Variants in C4orf54 observed in about 807,000 individuals in gnomAD.
C4orf54 encodes uncharacterized protein C4orf54.
C4orf54 carries 67 observed loss-of-function variants against 80.1 expected under a neutral mutation model. That is an observed-to-expected ratio of 0.84 (90% CI 0.69 to 1.03). The LOEUF is 1.03. C4orf54 is among the 50% of genes least tolerant of loss of function. C4orf54 has a pLI of 0.00. For synonymous variants in C4orf54, 1,000 were observed against 917.0 expected, an observed-to-expected ratio of 1.09 and a Z score of -1.64; for missense variants, 2,434 against 2,253.5, an observed-to-expected ratio of 1.08 and a Z score of -1.62.
chr4:99,650,261 C>T lies in C4orf54; in HGVS notation c.4388G>A (p.Ser1463Asn), dbSNP rs1726783296. 2 of 1,536,116 alleles carry T rather than the reference C, an allele frequency of 1.3e-6. No individual in the cohort carries two copies. The highest frequency in any genetic ancestry group is 1.7e-6 in the Non-Finnish European group (2 of 1,146,896). The change falls in exon 2 of 3, where the codon AGC (serine) becomes AAC (asparagine). Residue 1463 changes from serine to asparagine, a missense_variant. Physicochemically the swap from Ser to Asn is conservative, Grantham distance 46. Transcript: ENST00000511828. The stretch of plus-strand genomic sequence containing the variant: ...CAGGTAATTCTCACAGTCACTGTTG[C>T]TCTTCTCCAAATTGCTGCCACTTTT... The part of the protein sequence containing the change: ...NRKSGSNLEK[S>N]NSDCENYLTI...
At chr4:99,654,872 G>A (rs1158843606) in intron 1 of C4orf54, among the ~76,000 whole-genome samples, 193 bp from the exon 2 acceptor site, 2 of 152,172 alleles carry the variant, frequency 1.3e-5, no homozygotes, top group African/African-American at 4.8e-5. Flanking sequence ...TTATAGCGAT[G>A]TCTAGCAAGT....
At chr4:99,644,392 C>T (rs1726662673) in intron 2 of C4orf54, among the ~76,000 whole-genome samples, 1 of 151,548 alleles carries the variant, frequency 6.6e-6, no homozygotes, top group African/African-American at 2.4e-5. Context: ...AGCCACAATG[C>T]AATTAAAGGG....
chr4:99,641,001 A>C lies in C4orf54; in HGVS notation c.*232T>G. The C allele has an allele frequency of 6.6e-6, 1 of 152,180 alleles. No individual in the cohort carries two copies. Among genetic ancestry groups the C allele is most frequent in the Non-Finnish European group, 1.5e-5 (1 of 68,000 alleles). The allele number at this position is 152,180 out of a possible 1,614,324, so 9.4% of individuals were successfully genotyped here. On this transcript the variant is annotated 3_prime_UTR_variant, in exon 3 of 3. Coordinates refer to ENST00000511828, the MANE Select transcript of C4orf54 (RefSeq NM_001354435.2). ...AGGGAAAAAATGCAACCATTCAATC[A>C]ACTTAATAAAATTAAAATAAAAACT...
rs183298537 is a variant in C4orf54, at chr4:99,639,059, G to A, written c.*2174C>T. The A allele has an allele frequency of 7.2e-5, 11 of 152,160 alleles. No individual in the cohort carries two copies. The allele number at this position is 152,160 out of a possible 1,614,324, so 9.4% of individuals were successfully genotyped here. A position where few individuals can be genotyped will look rare whatever the true frequency, so the allele number is the denominator to read the frequency against. ...TGAGAAACACTGATACATAGATTAG[G>A]GGTCCCAAGCCCTCAACTCTACCAC... On this transcript the variant is annotated 3_prime_UTR_variant, in exon 3 of 3. Coordinates refer to ENST00000511828, the MANE Select transcript of C4orf54 (RefSeq NM_001354435.2).
rs1726883603 is a variant in C4orf54 at position 99,652,998 on chromosome 4, C to A, written c.1651G>T (p.Asp551Tyr). ...NIIYAAKHEG[D>Y]MSLRVSTAAE... is the part of the protein sequence containing the mutation. The stretch of plus-strand genomic sequence containing the variant: ...GCTGTAGAGACGCGGAGGCTCATGT[C>A]GCCTTCATGCTTGGCAGCATAAATA... The change falls in exon 2 of 3, where the codon GAC becomes TAC. Residue 551 changes from aspartate (D) to tyrosine (Y), a missense_variant. Asp to Tyr is a radical substitution (Grantham distance 160). Coordinates refer to ENST00000511828, the MANE Select transcript of C4orf54 (RefSeq NM_001354435.2). The A allele has an allele frequency of 3.9e-6, 6 of 1,536,180 alleles. No homozygotes were observed. The highest frequency in any genetic ancestry group is 5.2e-6 in the Non-Finnish European group (6 of 1,146,922).
In C4orf54 at chr4:99,653,294, A is replaced by G. The variant is rs1325775676; in HGVS notation, c.1355T>C (p.Leu452Pro). The G allele has an allele frequency of 2.6e-6, 4 of 1,531,074 alleles. No individual in the cohort carries two copies. In the South Asian group the frequency reaches 3.6e-5, roughly 14 times the overall value. The allele number at this position is 1,531,074 out of a possible 1,614,324, so 94.8% of individuals were successfully genotyped here. A position where few individuals can be genotyped will look rare whatever the true frequency, so the allele number is the denominator to read the frequency against. ...ACTGCGGCCTGCATTGGGGCGGGCC[A>G]GGTCGCTGCTTGTAGGGCTGGGCGT... ...TRTPSPTSSD[L>P]ARPNAGRSGR... Residue 452 changes from leucine to proline, a missense_variant, in exon 2 of 3, where the codon CTG (leucine) becomes CCG (proline). By Grantham distance (98) the Leu-to-Pro change is moderately conservative (BLOSUM62 -3). Coordinates refer to ENST00000511828, the MANE Select transcript of C4orf54 (RefSeq NM_001354435.2).
chr4:99,650,210 G>A lies in C4orf54; in HGVS notation c.4439C>T (p.Ala1480Val), dbSNP rs1429239036. ...AGGCCTGCTAAGAAGCTCCCCTGCA[G>A]CAGAGCTTCCTTTAAGAGGGATGGT... Reference protein sequence around the residue: ...YLTIPLKGSSAAGELLSRPGA... With the variant: ...YLTIPLKGSSVAGELLSRPGA... The change falls in exon 2 of 3, where the codon GCT becomes GTT. Residue 1480 changes from alanine (A) to valine (V), a missense_variant. By Grantham distance (64) the Ala-to-Val change is moderately conservative. Transcript: ENST00000511828. 2 of 1,536,046 alleles carry A rather than the reference G, an allele frequency of 1.3e-6. No individual in the cohort carries two copies. The highest frequency in any genetic ancestry group is 2.4e-5 in the East Asian group (1 of 40,902).
At position 99,652,951 on chromosome 4, in the gene C4orf54, C is replaced by G. The variant is rs1167178179; in HGVS notation, c.1698G>C (p.Ser566=). The part of the protein sequence containing the change: ...VSTAAEHNSS[S]LKQNPAAAVA... ...CTGCTGCAGCCGGGTTTTGCTTCAG[C>G]GAACTTGAATTGTGTTCAGCAGCTG... The change falls in exon 2 of 3, where the codon TCG becomes TCC. Residue 566 remains serine, a synonymous_variant. Transcript: ENST00000511828. 4 of 1,536,162 alleles carry G rather than the reference C, an allele frequency of 2.6e-6. No individual in the cohort carries two copies. Among genetic ancestry groups the G allele is most frequent in the Non-Finnish European group, 3.5e-6 (4 of 1,146,926 alleles).
chr4:99,652,772 AGGT>A lies in C4orf54; in HGVS notation c.1874_1876del (p.Asn625_Leu626delinsMet). The stretch of plus-strand genomic sequence containing the variant: ...CAGGCTCCGGAAGGCCCGGGAGGTC[AGGT>A]TACGCACCTCTTTGTCCGCATCGTC... On this transcript the variant is annotated inframe_deletion, in exon 2 of 3. Transcript: ENST00000511828. The A allele has an allele frequency of 6.5e-7, 1 of 1,536,008 alleles. No homozygotes were observed. The highest frequency in any genetic ancestry group is 2.4e-5 in the East Asian group (1 of 40,898).
intron 2 of C4orf54, among the ~76,000 whole-genome samples, chr4:99,644,293 A>T (rs1000945999): frequency 6.6e-6 from 1 of 152,204 alleles, no homozygotes; most frequent in African/African-American, 2.4e-5. Flanking sequence ...TTTTACTTTT[A>T]ATTTCTTATT....
rs1726882362 is a variant in C4orf54 at position 99,652,966 on chromosome 4, T to C, written c.1683A>G (p.Glu561=). 1 of 1,536,032 alleles carries C rather than the reference T, an allele frequency of 6.5e-7. No individual in the cohort carries two copies. The highest frequency in any genetic ancestry group is 1.4e-5 in the African/African-American group (1 of 73,046). ...DMSLRVSTAA[E]HNSSSLKQNP... Reference sequence around the variant, plus strand: ...TTTGCTTCAGCGAACTTGAATTGTGTTCAGCAGCTGTAGAGACGCGGAGGC... The same window carrying C: ...TTTGCTTCAGCGAACTTGAATTGTGCTCAGCAGCTGTAGAGACGCGGAGGC... Residue 561 remains glutamate, a synonymous_variant, in exon 2 of 3, where the codon GAA becomes GAG. Transcript: ENST00000511828.
chr4:99,644,616 G>A (rs983408453), intron 2 of C4orf54, among the ~76,000 whole-genome samples: 10 of 152,002 alleles, frequency 6.6e-5, no homozygotes, highest in African/African-American at 1.9e-4. Context: ...TGCATGCACC[G>A]GAGCAGCAAA....
At chr4:99,646,133 A>C (rs773440742) in intron 2 of C4orf54, among the ~76,000 whole-genome samples, 2 of 152,186 alleles carry the variant, frequency 1.3e-5, no homozygotes, top group Admixed American at 6.5e-5. Context: ...GAAGCTCCCT[A>C]TTGCAATGTA....
rs1319756102 is a variant in C4orf54 at position 99,651,954 on chromosome 4, T to C, written c.2695A>G (p.Lys899Glu). 4 of 1,536,160 alleles carry C rather than the reference T, an allele frequency of 2.6e-6. No individual in the cohort carries two copies. The highest frequency in any genetic ancestry group is 2.4e-5 in the East Asian group (1 of 40,906). The change falls in exon 2 of 3, where the codon AAA becomes GAA. Residue 899 changes from lysine to glutamate, a missense_variant. Transcript: ENST00000511828. ...TTGCGCTCGCGAGGAGTACTGGCTT[T>C]GAAGACTGGAGATTTGGAGCCCGCC... ...SVAGSKSPVFKASTPRERNAG... is the reference protein window; with the variant it reads ...SVAGSKSPVFEASTPRERNAG...
chr4:99,639,507 A>G lies in C4orf54; in HGVS notation c.*1726T>C, dbSNP rs1188581588. 2.0e-5 allele frequency: 3 copies of G among 152,118 alleles called. No individual in the cohort carries two copies. Among genetic ancestry groups the G allele is most frequent in the Admixed American group, 2.0e-4 (3 of 15,254 alleles). The allele number at this position is 152,118 out of a possible 1,614,324, so 9.4% of individuals were successfully genotyped here. A position where few individuals can be genotyped will look rare whatever the true frequency, so the allele number is the denominator to read the frequency against. On this transcript the variant is annotated 3_prime_UTR_variant, in exon 3 of 3. Transcript: ENST00000511828. ...TTTTTCTTGAATTTGGCACAAGGGCATCTTTTTTATACACAGAGACTATGT... is the reference window on the plus strand; with the variant it reads ...TTTTTCTTGAATTTGGCACAAGGGCGTCTTTTTTATACACAGAGACTATGT...
At position 99,650,522 on chromosome 4, in the gene C4orf54, T is replaced by A. The variant is rs1042851210; in HGVS notation, c.4127A>T (p.His1376Leu). 2.0e-6 allele frequency: 3 copies of A among 1,535,952 alleles called. No homozygotes were observed. The African/African-American group carries it at 4.1e-5, about 21-fold the overall frequency. ...RPRSLYIPPV[H>L]KDVERTQPLQ... is the part of the protein sequence containing the mutation. ...GGGTTGGGTTCTCTCTACATCCTTG[T>A]GGACTGGGGGAATATAGAGAGATCG... The change falls in exon 2 of 3, where the codon CAC (histidine) becomes CTC (leucine). Residue 1376 changes from histidine (H) to leucine (L), a missense_variant. Physicochemically the swap from His to Leu is moderately conservative, Grantham distance 99. Coordinates refer to ENST00000511828, the MANE Select transcript of C4orf54 (RefSeq NM_001354435.2).
chr4:99,642,547 C>T (rs1726623819), intron 2 of C4orf54, among the ~76,000 whole-genome samples: 1 of 152,130 alleles, frequency 6.6e-6, no homozygotes, highest in African/African-American at 2.4e-5. Context: ...CACAGAATAT[C>T]GCTTCTGCTT....
rs1165943110 is a variant in C4orf54, at chr4:99,652,643, C to A, written c.2006G>T (p.Cys669Phe). ...CTCCACCCTGGCCCCAACACCCCCA[C>A]ATTTTAAGTCCAGGAAAGTTGACCA... ...GRWSTFLDLK[C>F]GGVGARVEQS... The change falls in exon 2 of 3, where the codon TGT becomes TTT. Residue 669 changes from cysteine to phenylalanine, a missense_variant. By Grantham distance (205) the Cys-to-Phe change is radical. Coordinates refer to ENST00000511828, the MANE Select transcript of C4orf54 (RefSeq NM_001354435.2). The A allele has an allele frequency of 1.3e-6, 2 of 1,535,952 alleles. No individual in the cohort carries two copies. Among genetic ancestry groups the A allele is most frequent in the Non-Finnish European group, 1.7e-6 (2 of 1,146,892 alleles).
rs1363896670 is a variant in C4orf54 at position 99,651,036 on chromosome 4, T to C, written c.3613A>G (p.Thr1205Ala). ...HRASGRLPVA[T>A]IAPNKPEQGS... ...TGCTCGGGCTTATTGGGGGCAATGG[T>C]AGCCACAGGCAGCCTGCCAGATGCC... Residue 1205 changes from threonine (T) to alanine (A), a missense_variant, in exon 2 of 3, where the codon ACC becomes GCC. Transcript: ENST00000511828. The C allele has an allele frequency of 4.6e-6, 7 of 1,536,094 alleles. No individual in the cohort carries two copies. The highest frequency in any genetic ancestry group is 6.1e-6 in the Non-Finnish European group (7 of 1,146,888).
Sources: gnomAD v4.1 joint callset for allele counts (sites outside exome capture counted in the v4.1 genomes callset) on GRCh38, gnomAD v4.1.1 for gene constraint, MANE v1.5 for transcripts, NCBI Gene and HGNC (gene_info 2026-07-23, HGNC 2026-07-21) for gene names.